The following SACS variants were observed in gnomAD, a reference collection of about 807,000 sequenced individuals.
SACS encodes the protein sacsin molecular chaperone.
Under a neutral mutation model 348.0 loss-of-function variants are expected in SACS, and 197 were observed. The ratio of observed to expected loss-of-function variants is 0.57; its 90% CI spans 0.50 to 0.64. The LOEUF (loss-of-function observed/expected upper bound fraction) is 0.64, where lower values mean the gene tolerates loss of function less well. SACS is among the 30% of genes least tolerant of loss of function. The probability of loss-of-function intolerance (pLI) is 0.00; values close to 1 mark genes in which losing one functional copy is unlikely to be tolerated. For missense variants in SACS, 4,999 were observed against 5,360.8 expected (o/e 0.93, Z 2.11); for synonymous variants, 1,985 against 1,910.6 (o/e 1.04, Z -1.02).
rs1320036417 is a variant in SACS at position 23,433,698 on chromosome 13, G to T, written c.-585C>A. 6.6e-6 allele frequency: 1 copy of T among 152,348 alleles called. No homozygotes were observed. The highest frequency in any genetic ancestry group is 2.4e-5 in the African/African-American group (1 of 41,464). The allele number at this position is 152,348 out of a possible 1,614,324, so 9.4% of individuals were successfully genotyped here. ...TTCCCAGCGTGACTGTCCCGCAGCCGCACTGGGTCCAGGCGGCTCCTGCCG... is the reference window on the plus strand; with the variant it reads ...TTCCCAGCGTGACTGTCCCGCAGCCTCACTGGGTCCAGGCGGCTCCTGCCG... On this transcript the variant is annotated 5_prime_UTR_variant, in exon 1 of 10. Transcript: ENST00000382292.
At position 23,366,610 on chromosome 13, in the gene SACS, C is replaced by T. The variant is rs551534646; in HGVS notation, c.346-1333G>A. Among the ~76,000 whole-genome samples, 345 of 152,186 alleles carry T rather than the reference C, an allele frequency of 2.3e-3. 2 individuals are homozygous for T. Among genetic ancestry groups the T allele is most frequent in the African/African-American group, 8.0e-3 (333 of 41,520 alleles). On this transcript the variant is annotated intron_variant, in intron 5 of 9. Coordinates refer to ENST00000382292, the MANE Select transcript of SACS (RefSeq NM_014363.6). Reference sequence around the variant, plus strand: ...ACAAAATGATAGCACTTTAGATGTTCGACCTTGTTTTCATTCAGGTATCTA... The same window carrying T: ...ACAAAATGATAGCACTTTAGATGTTTGACCTTGTTTTCATTCAGGTATCTA...
intron 2 of SACS, 75 bp downstream of exon 2, chr13:23,411,145 T>C (rs1873463670): frequency 5.3e-6 from 7 of 1,317,530 alleles, no homozygotes; most frequent in Non-Finnish European, 5.5e-6. Flanking sequence ...TTTGCCTATG[T>C]TTCATTTGGG....
chr13:23,413,523 C>T (rs541060696), intron 1 of SACS, among the ~76,000 whole-genome samples: 4 of 152,260 alleles, frequency 2.6e-5, no homozygotes, highest in South Asian at 2.1e-4. Flanking sequence ...AGACCAGCTC[C>T]GGACTTCTTA....
At chr13:23,370,810 A>G (rs925654262) in intron 4 of SACS, among the ~76,000 whole-genome samples, 1 of 152,190 alleles carries the variant, frequency 6.6e-6, no homozygotes, top group Non-Finnish European at 1.5e-5. Context: ...TAAAAATGTA[A>G]AAATTAGCTG....
At position 23,336,701 on chromosome 13, in the gene SACS, C is replaced by T. The variant is rs777287881; in HGVS notation, c.7175G>A (p.Arg2392Lys). ...FRELFETVGV[R>K]QSCTVEDFAL... ...AAAATCTTCAACAGTGCATGACTGCCTCACACCCACGGTTTCAAAAAGTTC... is the reference window on the plus strand; with the variant it reads ...AAAATCTTCAACAGTGCATGACTGCTTCACACCCACGGTTTCAAAAAGTTC... The change falls in exon 10 of 10, where the codon AGG (arginine) becomes AAG (lysine). Residue 2392 changes from arginine to lysine, a missense_variant. This residue lies in a region of SACS where 3,156 missense variants were observed against 3,380.1 expected (regional missense o/e 0.93). Coordinates refer to ENST00000382292, the MANE Select transcript of SACS (RefSeq NM_014363.6). 1.9e-6 allele frequency: 3 copies of T among 1,613,816 alleles called. No homozygotes were observed. In the South Asian group the frequency reaches 3.3e-5, roughly 18 times the overall value.
At chr13:23,374,382 C>T (rs1224970740) in intron 3 of SACS, among the ~76,000 whole-genome samples, 3 of 152,158 alleles carry the variant, frequency 2.0e-5, no homozygotes, top group African/African-American at 2.4e-5. Flanking sequence ...TCATCCTATA[C>T]GCTCAAGTAT....
Position 23,330,042 on chromosome 13 carries a change from T to C in SACS, c.*94A>G. The C allele has an allele frequency of 8.8e-7, 1 of 1,137,344 alleles. No individual in the cohort carries two copies. The highest frequency in any genetic ancestry group is 1.3e-6 in the Non-Finnish European group (1 of 774,594). The allele number at this position is 1,137,344 out of a possible 1,614,324, so 70.5% of individuals were successfully genotyped here. A position where few individuals can be genotyped will look rare whatever the true frequency, so the allele number is the denominator to read the frequency against. On this transcript the variant is annotated 3_prime_UTR_variant, in exon 10 of 10. Transcript: ENST00000382292. ...GAACAATCTGCAATGTGCTTAACAATTCCTAGCTAATTGGCAATGAAGCTT... is the reference window on the plus strand; with the variant it reads ...GAACAATCTGCAATGTGCTTAACAACTCCTAGCTAATTGGCAATGAAGCTT...
At position 23,331,819 on chromosome 13, in the gene SACS, C is replaced by T; in HGVS notation, c.12057G>A (p.Met4019Ile). ...GAAAAGCATTATCATTTTCATGCTT[C>T]ATAATTCTAATCAGTCCTGTAATGA... ...EQFITGLIRI[M>I]KHENDNAFLA... Residue 4019 changes from methionine to isoleucine, a missense_variant, in exon 10 of 10, where the codon ATG (methionine) becomes ATA (isoleucine). Transcript: ENST00000382292. 2 of 1,613,976 alleles carry T rather than the reference C, an allele frequency of 1.2e-6. No homozygotes were observed. Among genetic ancestry groups the T allele is most frequent in the African/African-American group, 1.3e-5 (1 of 75,032 alleles).
At chr13:23,381,065 A>G (rs961798213) in intron 2 of SACS, among the ~76,000 whole-genome samples, 6 of 152,222 alleles carry the variant, frequency 3.9e-5, no homozygotes, top group African/African-American at 1.2e-4. Flanking sequence ...ATCATCCACC[A>G]TCATAAATCA....
intron 4 of SACS, among the ~76,000 whole-genome samples, chr13:23,369,961 C>A (rs1042529521): frequency 4.0e-5 from 6 of 151,760 alleles, no homozygotes; most frequent in Non-Finnish European, 8.8e-5. Context: ...CAGGTTCAAG[C>A]GATTCTTCTG....
chr13:23,373,942 AGGG>A (rs1469905857), intron 3 of SACS: 1 of 152,544 alleles, frequency 6.6e-6, no homozygotes, highest in African/African-American at 2.4e-5. Context: ...TCCAGCGGCT[AGGG>A]GTTCATCCAC....
chr13:23,358,633 T>TA, intron 6 of SACS, 152 bp from the exon 7 acceptor site: 1 of 804,612 alleles, frequency 1.2e-6, no homozygotes, highest in South Asian at 1.7e-5. Context: ...ATTCTGTTTT[T>TA]ACAATAAAAA....
rs763834751 is a variant in SACS at position 23,333,763 on chromosome 13, A to C, written c.10113T>G (p.Thr3371=). 2 of 1,613,850 alleles carry C rather than the reference A, an allele frequency of 1.2e-6. No homozygotes were observed. The highest frequency in any genetic ancestry group is 8.5e-7 in the Non-Finnish European group (1 of 1,179,820). ...ILKALHYMVQ[T]STFRAEKLVE... ...CTAATTTTTCTGCTCTAAATGTTGA[A>C]GTTTGGACCATATAATGTAGAGCCT... Residue 3371 remains threonine (T), a synonymous_variant, in exon 10 of 10, where the codon ACT becomes ACG. Transcript: ENST00000382292.
At chr13:23,394,098 G>C (rs929467688) in intron 2 of SACS, among the ~76,000 whole-genome samples, 2 of 152,172 alleles carry the variant, frequency 1.3e-5, no homozygotes, top group African/African-American at 2.4e-5. Context: ...GTGGGGGCTG[G>C]TGGCCAAGCG....
intron 6 of SACS, 71 bp downstream of exon 6, chr13:23,365,095 A>G (rs555413920): frequency 3.8e-5 from 36 of 954,158 alleles, no homozygotes; most frequent in Non-Finnish European, 5.5e-5. Context: ...CATTAAACAA[A>G]GCATTATTAA....
At chr13:23,406,282 G>C (rs1873204141) in intron 2 of SACS, among the ~76,000 whole-genome samples, 2 of 151,840 alleles carry the variant, frequency 1.3e-5, no homozygotes, top group African/African-American at 4.8e-5. Flanking sequence ...CACAGGAACA[G>C]AAAACCAAAC....
At chr13:23,429,894 C>T (rs1399965210) in intron 1 of SACS, among the ~76,000 whole-genome samples, 1 of 152,008 alleles carries the variant, frequency 6.6e-6, no homozygotes, top group East Asian at 1.9e-4. Context: ...TCAGGATTGT[C>T]TCTGGATGGT....
At chr13:23,411,982 G>A (rs547486465) in intron 1 of SACS, among the ~76,000 whole-genome samples, 1 of 152,178 alleles carries the variant, frequency 6.6e-6, no homozygotes, top group Non-Finnish European at 1.5e-5. Flanking sequence ...TACATCGGCC[G>A]GGCGCGGTGG....
intron 2 of SACS, among the ~76,000 whole-genome samples, chr13:23,388,367 G>T (rs1371661771): frequency 6.8e-6 from 1 of 146,176 alleles, no homozygotes. Context: ...CAAAAGATAT[G>T]GAACCAATCG....
Sources: allele counts gnomAD v4.1 joint callset (sites outside exome capture counted in the v4.1 genomes callset), GRCh38; gene constraint gnomAD v4.1.1; regional missense constraint gnomAD v4.1.1; transcripts MANE v1.5; gene names NCBI Gene and HGNC (gene_info 2026-07-23, HGNC 2026-07-21).